Variants in GNAI2 observed in about 807,000 individuals in gnomAD.
GNAI2 encodes G protein subunit alpha i2, also known as guanine nucleotide-binding protein G(i) subunit alpha-2.
A neutral mutation model predicts 36.8 loss-of-function variants in GNAI2; 4 were observed. The observed-to-expected ratio is 0.11, with a 90% confidence interval of 0.05 to 0.25. GNAI2 has a LOEUF of 0.25. GNAI2 is among the 10% of genes least tolerant of loss of function. The pLI is 1.00. For missense variants in GNAI2, 230 were observed against 481.3 expected, an observed-to-expected ratio of 0.48 and a Z score of 4.89; for synonymous variants, 194 against 194.1, an observed-to-expected ratio of 1.00 and a Z score of 0.01.
intron 1 of GNAI2, among the ~76,000 whole-genome samples, chr3:50,250,810 CT>C (rs782677693): frequency 0.097 from 13,265 of 136,546 alleles, 582 homozygotes; most frequent in Middle Eastern, 0.13. Flanking sequence ...TGGGAGTCTG[CT>C]TTTTTTTTTT....
Position 50,238,200 on chromosome 3 carries a change from C to G in GNAI2, c.118+1747C>G, listed in dbSNP as rs1553700602. ...TGCTGCCCGACGGGCCTGGGGAGGG[C>G]ACTTCCGGTACCGCTGCCTCCCAGT... On this transcript the variant is annotated intron_variant, in intron 1 of 8. Coordinates refer to ENST00000313601, the MANE Select transcript of GNAI2 (RefSeq NM_002070.4). This position sits in a 1 kb window ranked among gnomAD's most constrained non-coding sequence, Gnocchi z 5.0. 6.6e-6 allele frequency: 1 copy of G among 152,088 alleles called. No homozygotes were observed. The highest frequency in any genetic ancestry group is 2.1e-4 in the South Asian group (1 of 4,826). 9.4% of individuals were successfully genotyped at this position (152,088 alleles called of 1,614,324 possible). A position where few individuals can be genotyped will look rare whatever the true frequency, so the allele number is the denominator to read the frequency against.
Position 50,252,932 on chromosome 3 carries a change from C to T in GNAI2, c.304-92C>T. Reference sequence around the variant, plus strand: ...CTCATCCTAGGGAATCCAAGAATACCCTAGCCTGGGCCCCATTCCAGAGGT... The same window carrying T: ...CTCATCCTAGGGAATCCAAGAATACTCTAGCCTGGGCCCCATTCCAGAGGT... On this transcript the variant is annotated intron_variant, in intron 3 of 8. Transcript: ENST00000313601. The surrounding 1 kb of genome is among the most constrained non-coding windows in gnomAD (Gnocchi z 4.1). 1 of 1,021,462 alleles carries T rather than the reference C, an allele frequency of 9.8e-7. No homozygotes were observed. The highest frequency in any genetic ancestry group is 1.4e-6 in the Non-Finnish European group (1 of 693,416). The allele number at this position is 1,021,462 out of a possible 1,614,324, so 63.3% of individuals were successfully genotyped here.
chr3:50,227,473 G>A, upstream of GNAI2: 1 of 280,898 alleles, frequency 3.6e-6, no homozygotes, highest in Non-Finnish European at 6.7e-6. This position sits in a 1 kb window ranked among gnomAD's most constrained non-coding sequence, Gnocchi z 5.9. Flanking sequence ...GTCGGCCTCG[G>A]CTCCCGCGCC....
In GNAI2 at chr3:50,259,034, C is replaced by T. The variant is rs1700786669; in HGVS notation, c.*691C>T. ...CTTGAGTGTGTCTGCGTGTTTACAC[C>T]CGTCCCTCTGCTGGCCGCCCCCGTG... On this transcript the variant is annotated 3_prime_UTR_variant, in exon 9 of 9. Coordinates refer to ENST00000313601, the MANE Select transcript of GNAI2 (RefSeq NM_002070.4). 1 of 417,568 alleles carries T rather than the reference C, an allele frequency of 2.4e-6. No individual in the cohort carries two copies. The highest frequency in any genetic ancestry group is 3.2e-5 in the Admixed American group (1 of 31,104). The allele number at this position is 417,568 out of a possible 1,614,324, so 25.9% of individuals were successfully genotyped here.
upstream of GNAI2, chr3:50,227,102 C>G: frequency 7.5e-7 from 1 of 1,337,766 alleles, no homozygotes; most frequent in Middle Eastern, 1.9e-4. The surrounding 1 kb of genome is among the most constrained non-coding windows in gnomAD (Gnocchi z 5.9). Flanking sequence ...GAAGTGGAAG[C>G]GCGAGAAGGA....
chr3:50,257,613 A>G lies in GNAI2; in HGVS notation c.991A>G (p.Lys331Glu). The change falls in exon 8 of 9, where the codon AAG becomes GAG. Residue 331 changes from lysine to glutamate, a missense_variant. Coordinates refer to ENST00000313601, the MANE Select transcript of GNAI2 (RefSeq NM_002070.4). The part of the protein sequence containing the change: ...YTHFTCATDT[K>E]NVQFVFDAVT... ...GCACTTCACGTGCGCCACCGACACC[A>G]AGAACGTGCAGTTCGTGTTTGACGC... is the stretch of plus-strand genomic sequence containing the variant. 2 of 1,611,130 alleles carry G rather than the reference A, an allele frequency of 1.2e-6. No individual in the cohort carries two copies. Among genetic ancestry groups the G allele is most frequent in the Non-Finnish European group, 1.7e-6 (2 of 1,178,224 alleles).
In GNAI2 at chr3:50,248,905, T is replaced by G. The variant is rs587675165; in HGVS notation, c.119-3195T>G. On this transcript the variant is annotated intron_variant, in intron 1 of 8. Coordinates refer to ENST00000313601, the MANE Select transcript of GNAI2 (RefSeq NM_002070.4). ...GACTGGCTCTGTGCTGCCTACCTCA[T>G]GTCTACCAGGTCTAGCTGCTGCTAG... 3.9e-5 allele frequency among the ~76,000 whole-genome samples: 6 copies of G among 152,066 alleles called. No homozygotes were observed. In the South Asian group the frequency reaches 1.2e-3, roughly 32 times the overall value.
intron 1 of GNAI2, among the ~76,000 whole-genome samples, chr3:50,244,073 G>C (rs1553701446): frequency 2.0e-5 from 3 of 146,482 alleles, no homozygotes; most frequent in Non-Finnish European, 4.5e-5. Flanking sequence ...CTGTCACCCA[G>C]GCTGGAGTGC....
At chr3:50,237,903 G>C (rs915084471) in intron 1 of GNAI2, among the ~76,000 whole-genome samples, 1 of 152,240 alleles carries the variant, frequency 6.6e-6, no homozygotes, top group Admixed American at 6.5e-5. Context: ...TTTCGTGCTG[G>C]ACCTGTGGCC....
At position 50,242,062 on chromosome 3, in the gene GNAI2, C is replaced by T. The variant is rs118068803; in HGVS notation, c.118+5609C>T. On this transcript the variant is annotated intron_variant, in intron 1 of 8. Coordinates refer to ENST00000313601, the MANE Select transcript of GNAI2 (RefSeq NM_002070.4). The surrounding 1 kb of genome is among the most constrained non-coding windows in gnomAD (Gnocchi z 4.8). ...GACACACAGGTCCTGTATACTCTGCCGTTGATCTTAGTTCTTGGTCCCTGG... is the reference window on the plus strand; with the variant it reads ...GACACACAGGTCCTGTATACTCTGCTGTTGATCTTAGTTCTTGGTCCCTGG... 1.2e-4 allele frequency among the ~76,000 whole-genome samples: 18 copies of T among 152,218 alleles called. No homozygotes were observed. The East Asian group carries it at 2.5e-3, about 21-fold the overall frequency.
chr3:50,237,130 T>C (rs1292822327), intron 1 of GNAI2, among the ~76,000 whole-genome samples: 2 of 152,182 alleles, frequency 1.3e-5, no homozygotes, highest in African/African-American at 2.4e-5. Flanking sequence ...CTAAGTCCTC[T>C]TACACTCTGG....
rs782437262 is a variant in GNAI2 at position 50,253,096 on chromosome 3, G to T, written c.376G>T (p.Gly126Cys). Residue 126 changes from glycine (G) to cysteine (C), a missense_variant, in exon 4 of 9, where the codon GGC (glycine) becomes TGC (cysteine). Gly to Cys is a radical substitution (Grantham distance 159, BLOSUM62 -3). Coordinates refer to ENST00000313601, the MANE Select transcript of GNAI2 (RefSeq NM_002070.4). This position sits in a 1 kb window ranked among gnomAD's most constrained non-coding sequence, Gnocchi z 4.2. The stretch of plus-strand genomic sequence containing the variant: ...AGGCGTGCTCCCTGATGACCTGTCC[G>T]GCGTCATCCGGAGGCTCTGGGCTGA... Reference protein sequence around the residue: ...EQGVLPDDLSGVIRRLWADHG... With the variant: ...EQGVLPDDLSCVIRRLWADHG... 6.2e-7 allele frequency: 1 copy of T among 1,613,312 alleles called. No homozygotes were observed. The highest frequency in any genetic ancestry group is 8.5e-7 in the Non-Finnish European group (1 of 1,179,546).
At chr3:50,248,666 CAAAG>C (rs1700476445) in intron 1 of GNAI2, among the ~76,000 whole-genome samples, 1 of 152,156 alleles carries the variant, frequency 6.6e-6, no homozygotes, top group African/African-American at 2.4e-5. Flanking sequence ...GCTGGAAAGA[CAAAG>C]AGACCAGCCT....
intron 1 of GNAI2, among the ~76,000 whole-genome samples, chr3:50,250,282 G>A (rs880001997): frequency 7.9e-5 from 12 of 152,128 alleles, no homozygotes; most frequent in Non-Finnish European, 1.3e-4. Context: ...GCTTGTGTTC[G>A]TTTGTGTGTT....
At chr3:50,228,624 G>A (rs1284642785), upstream of GNAI2, among the ~76,000 whole-genome samples, 2 of 151,882 alleles carry the variant, frequency 1.3e-5, no homozygotes, top group African/African-American at 4.8e-5. Context: ...CTTCATACTT[G>A]GAATGCAATT....
At position 50,257,756 on chromosome 3, in the gene GNAI2, A is replaced by T. The variant is rs1444638974; in HGVS notation, c.*24+42A>T. 125 of 709,198 alleles carry T rather than the reference A, an allele frequency of 1.8e-4. 1 individual carries two copies. The highest frequency in any genetic ancestry group is 2.1e-4 in the Non-Finnish European group (111 of 533,266). 43.9% of individuals were successfully genotyped at this position (709,198 alleles called of 1,614,324 possible). ...GTGGCAGGGTGCTGGGGAAGAACTA[A>T]GCGGGCCTGGAGCCCCAGCAGGGGG... is the stretch of plus-strand genomic sequence containing the variant. On this transcript the variant is annotated intron_variant, in intron 8 of 8. Transcript: ENST00000313601.
Position 50,257,493 on chromosome 3 carries a change from C to G in GNAI2, c.878-7C>G, listed in dbSNP as rs1700729669. The G allele has an allele frequency of 1.3e-6, 2 of 1,543,356 alleles. No homozygotes were observed. The highest frequency in any genetic ancestry group is 8.8e-7 in the Non-Finnish European group (1 of 1,140,142). On this transcript the variant is annotated splice_region_variant and splice_polypyrimidine_tract_variant and intron_variant, in intron 7 of 8. Transcript: ENST00000313601. Reference sequence around the variant, plus strand: ...TGCAGCACAAGTCTTCATTTTCTCTCCCCCAGGGGCCAACAAATATGATGA... The same window carrying G: ...TGCAGCACAAGTCTTCATTTTCTCTGCCCCAGGGGCCAACAAATATGATGA...
At chr3:50,254,238 G>A (rs1327862424) in intron 4 of GNAI2, among the ~76,000 whole-genome samples, 15 of 152,178 alleles carry the variant, frequency 9.9e-5, no homozygotes, top group African/African-American at 3.4e-4. Context: ...GAACAGGATA[G>A]ACAGGCTAAT....
chr3:50,234,152 C>T (rs184121345), upstream of GNAI2, among the ~76,000 whole-genome samples: 10 of 151,138 alleles, frequency 6.6e-5, no homozygotes, highest in East Asian at 9.7e-4. Context: ...CTGCAAGCTC[C>T]GCCTCCTGGG....
Sources: gnomAD v4.1 joint callset for allele counts (sites outside exome capture counted in the v4.1 genomes callset) on GRCh38, gnomAD v4.1.1 for gene constraint, Gnocchi (gnomAD v3.1) non-coding constraint, MANE v1.5 for transcripts, NCBI Gene and HGNC (gene_info 2026-07-23, HGNC 2026-07-21) for gene names.